The following CLUL1 variants were observed in gnomAD, a reference collection of about 807,000 sequenced individuals.
CLUL1 encodes the protein clusterin like 1.
Under a neutral mutation model 49.4 loss-of-function variants are expected in CLUL1, and 43 were observed. The ratio of observed to expected loss-of-function variants is 0.87; its 90% CI spans 0.68 to 1.12. CLUL1 has a LOEUF of 1.12. CLUL1 is among the 50% of genes most tolerant of loss of function. CLUL1 has a pLI of 0.00. For synonymous variants in CLUL1, 192 were observed against 184.9 expected (o/e 1.04, Z -0.31); for missense variants, 486 against 544.4 (o/e 0.89, Z 1.07).
chr18:629,745 C>T (rs903075994), intron 6 of CLUL1, among the ~76,000 whole-genome samples: 3 of 152,250 alleles, frequency 2.0e-5, no homozygotes, highest in Non-Finnish European at 4.4e-5. Context: ...CTATTGTACT[C>T]TTCTTTCTCC....
chr18:631,793 G>A (rs969723745), intron 6 of CLUL1, among the ~76,000 whole-genome samples: 3 of 152,152 alleles, frequency 2.0e-5, no homozygotes, highest in African/African-American at 7.2e-5. Context: ...AAAATGGCAA[G>A]ACCAAGTCCC....
At chr18:625,559 A>ACACC (rs1491160923) in intron 5 of CLUL1, among the ~76,000 whole-genome samples, 7 of 133,092 alleles carry the variant, frequency 5.3e-5, no homozygotes, top group African/African-American at 1.4e-4. Flanking sequence ...ACACACACAC[A>ACACC]CCCCTTCATG....
At position 616,667 on chromosome 18, in the gene CLUL1, C is replaced by T. The variant is rs1283852832; in HGVS notation, c.-13-1321C>T. 4.3e-6 allele frequency: 4 copies of T among 938,788 alleles called. No homozygotes were observed. The East Asian group carries it at 4.6e-4, about 109-fold the overall frequency. The allele number at this position is 938,788 out of a possible 1,614,324, so 58.2% of individuals were successfully genotyped here. ...GTGTCATCAAACTGATAGGACACAG[C>T]TAAATCCCTGACACGGATGAAAATT... On this transcript the variant is annotated intron_variant, in intron 2 of 9. Coordinates refer to ENST00000692774, the MANE Select transcript of CLUL1 (RefSeq NM_001393344.1).
At chr18:612,690 C>T (rs1309318209) in intron 2 of CLUL1, 1 of 152,212 alleles carries the variant, frequency 6.6e-6, no homozygotes, top group African/African-American at 2.4e-5. Context: ...CCCATCATTC[C>T]CACTTAATTT....
At chr18:644,385 CA>C (rs1407152723) in intron 8 of CLUL1, among the ~76,000 whole-genome samples, 1 of 152,226 alleles carries the variant, frequency 6.6e-6, no homozygotes, top group Non-Finnish European at 1.5e-5. Context: ...ATCACACCTA[CA>C]ACCATAAATT....
intron 7 of CLUL1, among the ~76,000 whole-genome samples, chr18:635,776 G>A (rs1248761925): frequency 2.0e-5 from 3 of 152,028 alleles, no homozygotes; most frequent in South Asian, 2.1e-4. Context: ...CGTTTCTGTC[G>A]CCCAGGCTGG....
chr18:635,516 TTATAATTCTGATTTTTATAAATCAGAA>T (rs1424055124), intron 7 of CLUL1, among the ~76,000 whole-genome samples: 1 of 152,076 alleles, frequency 6.6e-6, no homozygotes, highest in Non-Finnish European at 1.5e-5. Flanking sequence ...AAAAATCAGA[TTATAATTCTGATTTTTATAAATCAGAA>T]TTTATAAAAT....
rs543044242 is a variant in CLUL1, at chr18:617,006, ATAATC to A, written c.-13-978_-13-974del. Among the ~76,000 whole-genome samples the A allele has an allele frequency of 3.3e-5, 5 of 152,354 alleles. No homozygotes were observed. The East Asian group carries it at 9.6e-4, about 29-fold the overall frequency. ...AAATATCCCCTTTGTGGGAGTTAAAATAATCTAACTTATTTTATAGTTTTAACTTT... is the reference window on the plus strand; with the variant it reads ...AAATATCCCCTTTGTGGGAGTTAAAATAACTTATTTTATAGTTTTAACTTT... On this transcript the variant is annotated intron_variant, in intron 2 of 9. Coordinates refer to ENST00000692774, the MANE Select transcript of CLUL1 (RefSeq NM_001393344.1).
chr18:603,157 A>C (rs2072878341), intron 1 of CLUL1, among the ~76,000 whole-genome samples: 1 of 152,220 alleles, frequency 6.6e-6, no homozygotes, highest in South Asian at 2.1e-4. Context: ...ATGAGCCAGG[A>C]CCAGCTACAC....
intron 2 of CLUL1, among the ~76,000 whole-genome samples, chr18:611,950 T>A (rs2073147258): frequency 6.6e-6 from 1 of 151,956 alleles, no homozygotes; most frequent in African/African-American, 2.4e-5. Flanking sequence ...AAAAATGGCA[T>A]CCCCCATCCA....
At chr18:629,589 G>A (rs1172185027) in intron 6 of CLUL1, among the ~76,000 whole-genome samples, 1 of 152,128 alleles carries the variant, frequency 6.6e-6, no homozygotes, top group Non-Finnish European at 1.5e-5. Flanking sequence ...CTGGGGGCCA[G>A]CCCTACTCTC....
At position 606,661 on chromosome 18, in the gene CLUL1, CCAAAA is replaced by C. The variant is rs2072980896; in HGVS notation, c.-135-316_-135-312del. ...CAACCACCGGCTTCTTTCAGTGTAG[CCAAAA>C]GGCTATTGGAGTCTTCTCAAATGAA... is the stretch of plus-strand genomic sequence containing the variant. On this transcript the variant is annotated intron_variant, in intron 1 of 9. Coordinates refer to ENST00000692774, the MANE Select transcript of CLUL1 (RefSeq NM_001393344.1). The surrounding 1 kb of genome is among the most constrained non-coding windows in gnomAD (Gnocchi z 4.1). Among the ~76,000 whole-genome samples the C allele has an allele frequency of 6.6e-6, 1 of 152,082 alleles. No homozygotes were observed. Among genetic ancestry groups the C allele is most frequent in the Non-Finnish European group, 1.5e-5 (1 of 68,024 alleles).
chr18:600,623 G>A (rs11660080), intron 1 of CLUL1, among the ~76,000 whole-genome samples: 1 of 152,186 alleles, frequency 6.6e-6, no homozygotes, highest in Admixed American at 6.5e-5. Context: ...AAATATGCTA[G>A]AGTACGTTTT....
chr18:603,496 G>A (rs2072886090), intron 1 of CLUL1, among the ~76,000 whole-genome samples: 1 of 152,142 alleles, frequency 6.6e-6, no homozygotes, highest in African/African-American at 2.4e-5. Flanking sequence ...TAGATTCACA[G>A]GAGGTTGCAA....
Position 623,790 on chromosome 18 carries a change from G to A in CLUL1, c.256-1075G>A, listed in dbSNP as rs376459902. Among the ~76,000 whole-genome samples, 4 of 152,228 alleles carry A rather than the reference G, an allele frequency of 2.6e-5. No homozygotes were observed. The South Asian group carries it at 8.3e-4, about 32-fold the overall frequency. On this transcript the variant is annotated intron_variant, in intron 4 of 9. Coordinates refer to ENST00000692774, the MANE Select transcript of CLUL1 (RefSeq NM_001393344.1). The stretch of plus-strand genomic sequence containing the variant: ...TTTTCTTACGTGGATCATACCAAAT[G>A]CTACGTGGCTTAGCAGCCAAACTTT...
intron 2 of CLUL1, among the ~76,000 whole-genome samples, chr18:614,137 C>T (rs1002008403): frequency 6.6e-6 from 1 of 152,160 alleles, no homozygotes; most frequent in African/African-American, 2.4e-5. Flanking sequence ...TTATGTCCAT[C>T]GGTCCTTTCC....
chr18:639,741 G>C (rs2074283434), intron 7 of CLUL1, among the ~76,000 whole-genome samples: 1 of 151,756 alleles, frequency 6.6e-6, no homozygotes, highest in African/African-American at 2.4e-5. Flanking sequence ...CTCCTGCCTG[G>C]GTAACAGAGT....
chr18:649,984 T>C lies in CLUL1; in HGVS notation c.*83T>C. 1.1e-6 allele frequency: 1 copy of C among 947,666 alleles called. No homozygotes were observed. Among genetic ancestry groups the C allele is most frequent in the Non-Finnish European group, 1.6e-6 (1 of 606,642 alleles). 58.7% of individuals were successfully genotyped at this position (947,666 alleles called of 1,614,324 possible). ...GAAATCCTGAAATAAAAAAGGATAA[T>C]GCAATAAACACAGTTGCAGGAAAGT... is the stretch of plus-strand genomic sequence containing the variant. On this transcript the variant is annotated 3_prime_UTR_variant, in exon 10 of 10. Transcript: ENST00000692774.
intron 2 of CLUL1, chr18:614,700 C>G (rs2073240682): frequency 6.6e-6 from 1 of 152,260 alleles, no homozygotes. Flanking sequence ...TGAGACCTTA[C>G]TGGTGCAGGA....
Sources: allele counts gnomAD v4.1 joint callset (sites outside exome capture counted in the v4.1 genomes callset), GRCh38; gene constraint gnomAD v4.1.1; non-coding constraint Gnocchi (gnomAD v3.1); transcripts MANE v1.5; gene names NCBI Gene and HGNC (gene_info 2026-07-23, HGNC 2026-07-21).